The following TP53BP1 variants were observed in gnomAD, a reference collection of about 807,000 sequenced individuals.
TP53BP1 encodes TP53-binding protein 1.
Under a neutral mutation model 200.8 loss-of-function variants are expected in TP53BP1, and 61 were observed. That is an observed-to-expected ratio of 0.30 (90% CI 0.25 to 0.38). The LOEUF is 0.38. TP53BP1 is among the 10% of genes least tolerant of loss of function. The pLI, the probability that TP53BP1 is intolerant of heterozygous loss-of-function variation, is 1.00. For missense variants in TP53BP1, 2,144 were observed against 2,371.9 expected (o/e 0.90, Z 2.00); for synonymous variants, 822 against 844.3 (o/e 0.97, Z 0.46).
chr15:43,492,551 G>A, intron 1 of TP53BP1, 83 bp from the exon 2 acceptor site: 1 of 1,148,044 alleles, frequency 8.7e-7, no homozygotes, highest in Non-Finnish European at 1.3e-6. Context: ...TGGGGCGGAA[G>A]TACAAGAGCT....
At position 43,428,776 on chromosome 15, in the gene TP53BP1, A is replaced by G. The variant is rs549296826; in HGVS notation, c.3676-608T>C. Among the ~76,000 whole-genome samples, 3 of 152,332 alleles carry G rather than the reference A, an allele frequency of 2.0e-5. No homozygotes were observed. The East Asian group carries it at 5.8e-4, about 29-fold the overall frequency. ...GCTAGTGTCCAGAAATGGAAAAATT[A>G]GCAAATTAAGATTTTATATCTAGTT... On this transcript the variant is annotated intron_variant, in intron 17 of 27. Transcript: ENST00000382044.
rs1338772340 is a variant in TP53BP1, at chr15:43,416,132, G to C, written c.4873+93C>G. On this transcript the variant is annotated intron_variant, in intron 22 of 27. Coordinates refer to ENST00000382044, the MANE Select transcript of TP53BP1 (RefSeq NM_001141980.3). ...GAAGCCACACATAGGAATAATAAAA[G>C]TTAGGGAAACATTACTGACAGGTCC... The C allele has an allele frequency of 5.0e-6, 6 of 1,207,680 alleles. No homozygotes were observed. In the African/African-American group the frequency reaches 7.6e-5, roughly 15 times the overall value. 74.8% of individuals were successfully genotyped at this position (1,207,680 alleles called of 1,614,324 possible).
chr15:43,460,264 G>C (rs995217580), intron 11 of TP53BP1, among the ~76,000 whole-genome samples: 1 of 151,918 alleles, frequency 6.6e-6, no homozygotes, highest in African/African-American at 2.4e-5. Context: ...GTTTTGTTTT[G>C]TTTTGTTTTG....
chr15:43,437,609 T>C (rs1025883276), intron 16 of TP53BP1, among the ~76,000 whole-genome samples: 1 of 152,184 alleles, frequency 6.6e-6, no homozygotes, highest in Admixed American at 6.5e-5. Context: ...AGTGAGACCC[T>C]ATCTCAAAAT....
At chr15:43,417,303 A>C (rs1238314942) in intron 21 of TP53BP1, 1 of 152,262 alleles carries the variant, frequency 6.6e-6, no homozygotes, top group Admixed American at 6.5e-5. Flanking sequence ...CTATGCTTGA[A>C]TGAAGAGCTA....
chr15:43,427,003 G>A (rs1258688957), intron 18 of TP53BP1, among the ~76,000 whole-genome samples: 1 of 141,534 alleles, frequency 7.1e-6, no homozygotes, highest in African/African-American at 2.7e-5. Context: ...GGGCAACAGA[G>A]CAAGACTCTG....
At position 43,432,654 on chromosome 15, in the gene TP53BP1, C is replaced by T; in HGVS notation, c.3215G>A (p.Ser1072Asn). 2.5e-6 allele frequency: 4 copies of T among 1,604,616 alleles called. No individual in the cohort carries two copies. The highest frequency in any genetic ancestry group is 3.4e-6 in the Non-Finnish European group (4 of 1,174,070). The change falls in exon 17 of 28, where the codon AGT becomes AAT. Residue 1072 changes from serine (S) to asparagine (N), a missense_variant. Physicochemically the swap from Ser to Asn is conservative, Grantham distance 46. Around this residue, in one of 4 missense-constraint regions of TP53BP1, gnomAD observed 1,700 missense variants for 1,710.3 expected, o/e 0.99. Coordinates refer to ENST00000382044, the MANE Select transcript of TP53BP1 (RefSeq NM_001141980.3). ...PIRGNLLHFP[S>N]SQGEEEKEKL... The stretch of plus-strand genomic sequence containing the variant: ...TTCTTTCTCCTCTTCTCCTTGAGAA[C>T]TTGGAAAGTGGAGCAAGTTCCCCCT...
At chr15:43,493,244 T>C (rs2079154814), upstream of TP53BP1, 1 of 1,445,162 alleles carries the variant, frequency 6.9e-7, no homozygotes, top group Admixed American at 2.5e-5. Context: ...GATAGGTAGC[T>C]GCGGCAGAGT....
intron 12 of TP53BP1, among the ~76,000 whole-genome samples, chr15:43,453,685 C>G (rs1382734567): frequency 1.3e-5 from 2 of 151,360 alleles, no homozygotes; most frequent in Non-Finnish European, 2.9e-5. Flanking sequence ...GCTGGGACTA[C>G]AGGCACCCGT....
At chr15:43,479,563 A>T (rs775650675) in intron 6 of TP53BP1, 37 bp from the exon 7 acceptor site, 2 of 1,588,374 alleles carry the variant, frequency 1.3e-6, no homozygotes, top group African/African-American at 2.7e-5. Flanking sequence ...GGAGATAATT[A>T]AGTTTTCAAA....
intron 20 of TP53BP1, 144 bp from the exon 21 acceptor site, chr15:43,420,879 G>A: frequency 7.7e-7 from 1 of 1,296,154 alleles, no homozygotes; most frequent in Non-Finnish European, 1.1e-6. Flanking sequence ...TGGTCTCTCT[G>A]TGGCCTCACT....
intron 10 of TP53BP1, among the ~76,000 whole-genome samples, chr15:43,470,751 CAGCT>C (rs2046706084): frequency 6.6e-6 from 1 of 152,176 alleles, no homozygotes; most frequent in South Asian, 2.1e-4. Context: ...GGAGTCAGCC[CAGCT>C]AGCTAAGTAT....
At chr15:43,502,368 T>G (rs2079213616) in intron 1 of TP53BP1, among the ~76,000 whole-genome samples, 2 of 152,314 alleles carry the variant, frequency 1.3e-5, no homozygotes, top group South Asian at 4.1e-4. Context: ...TTGTATAATT[T>G]TATACTTCCA....
chr15:43,441,532 A>G lies in TP53BP1; in HGVS notation c.3092T>C (p.Val1031Ala), dbSNP rs45482998. Residue 1031 changes from valine to alanine, a missense_variant, in exon 15 of 28, where the codon GTT (valine) becomes GCT (alanine). Physicochemically the swap from Val to Ala is moderately conservative, Grantham distance 64. Coordinates refer to ENST00000382044, the MANE Select transcript of TP53BP1 (RefSeq NM_001141980.3). ...KNGSTAVAESVASPQKTMSVL... is the reference protein window; with the variant it reads ...KNGSTAVAESAASPQKTMSVL... ...AGCATCCAGCTTTGGTTACCTGGCAACAGACTCAGCAACAGCAGTAGATCC... is the reference window on the plus strand; with the variant it reads ...AGCATCCAGCTTTGGTTACCTGGCAGCAGACTCAGCAACAGCAGTAGATCC... 0.013 allele frequency: 20,311 copies of G among 1,612,032 alleles called. 182 individuals are homozygous for G. Among genetic ancestry groups the G allele is most frequent in the Middle Eastern group, 0.016 (97 of 6,060 alleles).
chr15:43,438,461 A>C (rs765691038), intron 15 of TP53BP1, 45 bp from the exon 16 acceptor site: 10 of 1,517,416 alleles, frequency 6.6e-6, no homozygotes, highest in Non-Finnish European at 9.0e-6. Flanking sequence ...TTTGAAAAGA[A>C]AAGTACTTTT....
intron 10 of TP53BP1, among the ~76,000 whole-genome samples, chr15:43,474,059 C>G (rs1014168182): frequency 3.1e-4 from 47 of 152,246 alleles, no homozygotes; most frequent in Non-Finnish European, 3.8e-4. Flanking sequence ...AAATCAAGCG[C>G]AGCGCCGGTG....
intron 18 of TP53BP1, 44 bp from the exon 19 acceptor site, chr15:43,422,170 A>G (rs1407871755): frequency 6.3e-7 from 1 of 1,589,680 alleles, no homozygotes; most frequent in South Asian, 1.2e-5. Flanking sequence ...ATGCCATAAT[A>G]ACACAATGCT....
At chr15:43,466,890 A>G (rs1417401605) in intron 11 of TP53BP1, among the ~76,000 whole-genome samples, 1 of 152,176 alleles carries the variant, frequency 6.6e-6, no homozygotes, top group East Asian at 1.9e-4. Context: ...GCTATGTAGA[A>G]TTATGGAGGT....
chr15:43,452,228 C>T (rs1016146773), intron 12 of TP53BP1, among the ~76,000 whole-genome samples: 9 of 152,114 alleles, frequency 5.9e-5, no homozygotes, highest in East Asian at 1.9e-4. Context: ...CTTTTTGCAA[C>T]GCTCTTCTGA....
Sources: gnomAD v4.1 joint callset for allele counts (sites outside exome capture counted in the v4.1 genomes callset) on GRCh38, gnomAD v4.1.1 for gene constraint, gnomAD v4.1.1 regional missense constraint, MANE v1.5 for transcripts, NCBI Gene and HGNC (gene_info 2026-07-23, HGNC 2026-07-21) for gene names.